SCARA5: variants seen among roughly 807,000 people sequenced by gnomAD.
The protein encoded by SCARA5 is scavenger receptor class A, member 5 (putative).
SCARA5 carries 45 observed loss-of-function variants against 46.3 expected under a neutral mutation model. The ratio of observed to expected loss-of-function variants is 0.97; its 90% CI spans 0.76 to 1.24. SCARA5 has a LOEUF of 1.24. Ranked by LOEUF, SCARA5 falls within the 50% of genes most tolerant of loss-of-function variation. The pLI is 0.00. For missense variants in SCARA5, 680 were observed against 689.0 expected, an observed-to-expected ratio of 0.99 and a Z score of 0.15; for synonymous variants, 333 against 306.5, an observed-to-expected ratio of 1.09 and a Z score of -0.90.
At chr8:27,894,947 G>A (rs750197010) in intron 7 of SCARA5, among the ~76,000 whole-genome samples, 7 of 152,242 alleles carry the variant, frequency 4.6e-5, no homozygotes, top group African/African-American at 7.2e-5. Flanking sequence ...CTCTGAGAAC[G>A]GAGCTGGTCA....
intron 3 of SCARA5, among the ~76,000 whole-genome samples, chr8:27,945,847 T>TATCA (rs1808027865): frequency 6.6e-6 from 1 of 152,222 alleles, no homozygotes; most frequent in South Asian, 2.1e-4. Context: ...GATTATTAGC[T>TATCA]ATCAAAGAAA....
At chr8:27,937,780 A>G (rs965217025) in intron 3 of SCARA5, among the ~76,000 whole-genome samples, 17 of 151,952 alleles carry the variant, frequency 1.1e-4, no homozygotes, top group African/African-American at 3.9e-4. Flanking sequence ...TTGCCCTCCC[A>G]CAGTGCTTCC....
chr8:27,939,418 A>G (rs1017588047), intron 3 of SCARA5, among the ~76,000 whole-genome samples: 1 of 152,174 alleles, frequency 6.6e-6, no homozygotes, highest in African/African-American at 2.4e-5. Flanking sequence ...CTCCAGGTCA[A>G]TGAGTGAGCT....
At chr8:27,908,090 G>C (rs1807298129) in intron 5 of SCARA5, among the ~76,000 whole-genome samples, 1 of 146,972 alleles carries the variant, frequency 6.8e-6, no homozygotes, top group Non-Finnish European at 1.5e-5. Flanking sequence ...GCTGAAATGA[G>C]AGTTCATGGT....
At chr8:27,919,265 G>A (rs1285524816) in intron 4 of SCARA5, among the ~76,000 whole-genome samples, 2 of 136,662 alleles carry the variant, frequency 1.5e-5, no homozygotes, top group East Asian at 2.2e-4. Flanking sequence ...AAGAGGAGAA[G>A]GAAGAGAAGA....
At chr8:27,942,948 TCTGCAAACACA>T (rs1807976083) in intron 3 of SCARA5, among the ~76,000 whole-genome samples, 1 of 152,204 alleles carries the variant, frequency 6.6e-6, no homozygotes, top group Admixed American at 6.5e-5. Context: ...TCACCATAGT[TCTGCAAACACA>T]CTGCTTCTTC....
Position 27,921,743 on chromosome 8 carries a change from C to T in SCARA5, c.744G>A (p.Leu248=), listed in dbSNP as rs1370935482. 1 of 1,586,372 alleles carries T rather than the reference C, an allele frequency of 6.3e-7. No homozygotes were observed. Among genetic ancestry groups the T allele is most frequent in the African/African-American group, 1.3e-5 (1 of 74,584 alleles). ...VALHRTRLQD[L]RVLVSNASED... is the part of the protein sequence containing the mutation. ...CGCTGGCGTTGCTCACCAGCACCCGCAGGTCCTGCAGCCGCGTGCGGTGGA... is the reference window on the plus strand; with the variant it reads ...CGCTGGCGTTGCTCACCAGCACCCGTAGGTCCTGCAGCCGCGTGCGGTGGA... Residue 248 remains leucine, a synonymous_variant, in exon 4 of 9, where the codon CTG becomes CTA. Transcript: ENST00000354914.
intron 7 of SCARA5, among the ~76,000 whole-genome samples, chr8:27,894,141 C>T (rs1012666842): frequency 6.6e-6 from 1 of 152,202 alleles, no homozygotes; most frequent in South Asian, 2.1e-4. Flanking sequence ...GTGCTTTGTG[C>T]GTGCATTTGC....
intron 7 of SCARA5, among the ~76,000 whole-genome samples, chr8:27,887,376 C>T (rs1431935412): frequency 2.0e-5 from 3 of 152,150 alleles, no homozygotes; most frequent in Non-Finnish European, 4.4e-5. Flanking sequence ...TTCTGGATCC[C>T]TAACCTGCAG....
Position 27,983,566 on chromosome 8 carries a change from G to T in SCARA5, c.112+3938C>A, listed in dbSNP as rs1221949658. Among the ~76,000 whole-genome samples, 4 of 152,342 alleles carry T rather than the reference G, an allele frequency of 2.6e-5. No homozygotes were observed. The East Asian group carries it at 7.7e-4, about 29-fold the overall frequency. ...GTCCGGTTCCAGCTCCACCACTGAT[G>T]ACTTGAGTGGACTTACCACATCATT... On this transcript the variant is annotated intron_variant, in intron 2 of 8. Transcript: ENST00000354914.
At position 27,890,937 on chromosome 8, in the gene SCARA5, A is replaced by G. The variant is rs1806971017; in HGVS notation, c.1154-11171T>C. On this transcript the variant is annotated intron_variant, in intron 7 of 8. Transcript: ENST00000354914. Reference sequence around the variant, plus strand: ...GGTTGTCCCGGCAGGTGTGGGTCTGAAGCAAGCAGCGTGGTGGGTGAGGGG... The same window carrying G: ...GGTTGTCCCGGCAGGTGTGGGTCTGGAGCAAGCAGCGTGGTGGGTGAGGGG... Among the ~76,000 whole-genome samples, 6 of 152,266 alleles carry G rather than the reference A, an allele frequency of 3.9e-5. No homozygotes were observed. The South Asian group carries it at 1.2e-3, about 32-fold the overall frequency.
intron 7 of SCARA5, 65 bp downstream of exon 7, chr8:27,904,713 C>T (rs763674129): frequency 4.2e-6 from 6 of 1,422,138 alleles, no homozygotes; most frequent in South Asian, 1.1e-5. Flanking sequence ...ACTTATGGGG[C>T]TGCTTGGGGG....
chr8:27,879,534 C>G, intron 8 of SCARA5, 35 bp downstream of exon 8: 1 of 1,589,702 alleles, frequency 6.3e-7, no homozygotes, highest in Middle Eastern at 1.7e-4. Flanking sequence ...TGTGCAGGCC[C>G]TCTCCTCATG....
chr8:27,924,494 G>A (rs1807650794), intron 3 of SCARA5, among the ~76,000 whole-genome samples: 1 of 152,206 alleles, frequency 6.6e-6, no homozygotes, highest in Non-Finnish European at 1.5e-5. Flanking sequence ...TCACAGGGCT[G>A]AAGGGGTCTT....
At chr8:27,966,289 T>G in intron 3 of SCARA5, 125 bp downstream of exon 3, 1 of 1,008,760 alleles carries the variant, frequency 9.9e-7, no homozygotes, top group South Asian at 2.0e-5. Context: ...TTCTTCCTTC[T>G]TCCTCTATGG....
chr8:27,948,255 G>A (rs1808068011), intron 3 of SCARA5, among the ~76,000 whole-genome samples: 1 of 152,028 alleles, frequency 6.6e-6, no homozygotes, highest in African/African-American at 2.4e-5. Flanking sequence ...TCCCCAGGGT[G>A]AGGGCGGTGA....
At chr8:27,937,987 G>A (rs1429139445) in intron 3 of SCARA5, among the ~76,000 whole-genome samples, 1 of 152,170 alleles carries the variant, frequency 6.6e-6, no homozygotes, top group Non-Finnish European at 1.5e-5. Flanking sequence ...GGATTTGGAG[G>A]AGACACAATT....
At chr8:27,872,920 C>T (rs886196355) in intron 8 of SCARA5, among the ~76,000 whole-genome samples, 1 of 152,188 alleles carries the variant, frequency 6.6e-6, no homozygotes, top group Non-Finnish European at 1.5e-5. Flanking sequence ...AATGGGAACA[C>T]GGTCATCAAG....
intron 7 of SCARA5, among the ~76,000 whole-genome samples, chr8:27,887,202 T>C (rs1479799684): frequency 6.6e-6 from 1 of 152,038 alleles, no homozygotes; most frequent in African/African-American, 2.4e-5. Flanking sequence ...CTTCACCTCC[T>C]CCTTGGCATC....
Sources: gnomAD v4.1 joint callset for allele counts (sites outside exome capture counted in the v4.1 genomes callset) on GRCh38, gnomAD v4.1.1 for gene constraint, MANE v1.5 for transcripts, NCBI Gene and HGNC (gene_info 2026-07-23, HGNC 2026-07-21) for gene names.